The following ATP5PO variants were observed in gnomAD, a reference collection of about 807,000 sequenced individuals.
The protein encoded by ATP5PO is ATP synthase peripheral stalk subunit OSCP, mitochondrial.
Under a neutral mutation model 26.2 loss-of-function variants are expected in ATP5PO, and 14 were observed. That is an observed-to-expected ratio of 0.53 (90% CI 0.35 to 0.83). The LOEUF (loss-of-function observed/expected upper bound fraction) is 0.83, where lower values mean the gene tolerates loss of function less well. Among genes scored for constraint, ATP5PO ranks in the 40% least tolerant of loss-of-function variants. ATP5PO has a pLI of 0.01. For synonymous variants in ATP5PO, 106 were observed against 95.1 expected, an observed-to-expected ratio of 1.12 and a Z score of -0.67; for missense variants, 241 against 258.5, an observed-to-expected ratio of 0.93 and a Z score of 0.46.
At chr21:33,912,943 G>T (rs1370191403) in intron 2 of ATP5PO, among the ~76,000 whole-genome samples, 4 of 152,190 alleles carry the variant, frequency 2.6e-5, no homozygotes, top group Non-Finnish European at 4.4e-5. Flanking sequence ...CCTGATGCTT[G>T]AATTATTTTT....
intron 6 of ATP5PO, 124 bp downstream of exon 6, chr21:33,903,811 T>C: frequency 9.0e-7 from 1 of 1,109,994 alleles, no homozygotes; most frequent in Non-Finnish European, 1.3e-6. Flanking sequence ...TTAAAATAAA[T>C]ACAAAATTTT....
intron 1 of ATP5PO, 126 bp from the exon 2 acceptor site, chr21:33,914,626 A>T (rs1987290522): frequency 1.2e-6 from 1 of 835,460 alleles, no homozygotes; most frequent in Non-Finnish European, 1.9e-6. Flanking sequence ...GTATATTCAC[A>T]TATTACATGA....
intron 5 of ATP5PO, chr21:33,906,671 C>T: frequency 2.2e-6 from 1 of 456,280 alleles, no homozygotes; most frequent in Non-Finnish European, 4.4e-6. Context: ...CCACTCACCA[C>T]CACCAAAGAT....
At chr21:33,909,567 TACAA>T (rs1987222414) in intron 3 of ATP5PO, among the ~76,000 whole-genome samples, 1 of 152,154 alleles carries the variant, frequency 6.6e-6, no homozygotes, top group African/African-American at 2.4e-5. Flanking sequence ...TGCCCGGCCA[TACAA>T]ACACTTTCTT....
Position 33,909,356 on chromosome 21 carries a change from C to T in ATP5PO, c.199-145G>A, listed in dbSNP as rs180799244. On this transcript the variant is annotated intron_variant, in intron 3 of 6. Coordinates refer to ENST00000290299, the MANE Select transcript of ATP5PO (RefSeq NM_001697.3). ...AGTGCAGTGGCGCAATCTTGGCTCA[C>T]ACAACCTCCACATCCCGGGTTCAAG... The T allele has an allele frequency of 2.3e-4, 182 of 798,880 alleles. No homozygotes were observed. The African/African-American group carries it at 2.9e-3, about 13-fold the overall frequency. The allele number at this position is 798,880 out of a possible 1,614,324, so 49.5% of individuals were successfully genotyped here.
chr21:33,914,688 G>T, intron 1 of ATP5PO, 188 bp from the exon 2 acceptor site: 3 of 524,528 alleles, frequency 5.7e-6, no homozygotes, highest in Middle Eastern at 4.9e-4. Context: ...TGAGGATTAT[G>T]CCAAGTTGCT....
Position 33,911,662 on chromosome 21 carries a change from G to GTTTTTTTTTTTTT in ATP5PO, c.198+614_198+626dup, listed in dbSNP as rs58774588. 3.9e-4 allele frequency among the ~76,000 whole-genome samples: 36 copies of GTTTTTTTTTTTTT among 92,096 alleles called. 1 individual carries two copies. Among genetic ancestry groups the GTTTTTTTTTTTTT allele is most frequent in the East Asian group, 6.9e-4 (2 of 2,878 alleles). The allele number at this position is 92,096 out of a possible 152,430, so 60.4% of individuals were successfully genotyped here. ...CTAAACACCTAGCCCATAAGCATAG[G>GTTTTTTTTTTTTT]TTTTTTTTTTTTTTTTTTTTTTTTG... On this transcript the variant is annotated intron_variant, in intron 3 of 6. Coordinates refer to ENST00000290299, the MANE Select transcript of ATP5PO (RefSeq NM_001697.3).
intron 2 of ATP5PO, 143 bp from the exon 3 acceptor site, chr21:33,912,542 G>A (rs991142115): frequency 3.0e-5 from 15 of 501,350 alleles, no homozygotes; most frequent in Non-Finnish European, 5.1e-5. Flanking sequence ...TTCAAGAGCT[G>A]TCCTAAATGG....
chr21:33,911,769 C>G (rs1987252919), intron 3 of ATP5PO, among the ~76,000 whole-genome samples: 1 of 144,450 alleles, frequency 6.9e-6, no homozygotes, highest in Non-Finnish European at 1.5e-5. Flanking sequence ...CAGGTTCAAG[C>G]AATTCTGCCT....
chr21:33,906,518 T>TTA (rs1987174723), intron 5 of ATP5PO: 2 of 350,292 alleles, frequency 5.7e-6, no homozygotes, highest in Non-Finnish European at 1.1e-5. Context: ...ATGAGGTTAA[T>TTA]TATACTTCTA....
chr21:33,912,124 G>A (rs1987257259), intron 3 of ATP5PO, among the ~76,000 whole-genome samples, 165 bp downstream of exon 3: 2 of 151,764 alleles, frequency 1.3e-5, no homozygotes, highest in Non-Finnish European at 2.9e-5. Flanking sequence ...CTTTTTATAT[G>A]TCTTATAATA....
At chr21:33,903,753 C>A in intron 6 of ATP5PO, 114 bp from the exon 7 acceptor site, 1 of 1,232,526 alleles carries the variant, frequency 8.1e-7, no homozygotes, top group South Asian at 1.4e-5. Context: ...ATAATTACAC[C>A]TAGAAAAAGG....
chr21:33,912,588 AG>A (rs1472602300), intron 2 of ATP5PO, among the ~76,000 whole-genome samples, 189 bp from the exon 3 acceptor site: 1 of 152,250 alleles, frequency 6.6e-6, no homozygotes, highest in Admixed American at 6.5e-5. Context: ...TTCCTTGGTC[AG>A]GTCACTCAAT....
chr21:33,907,582 T>C, intron 4 of ATP5PO, 129 bp from the exon 5 acceptor site: 1 of 700,764 alleles, frequency 1.4e-6, no homozygotes, highest in Non-Finnish European at 2.4e-6. Flanking sequence ...GGCGCATGCC[T>C]ATAATCCCAA....
At chr21:33,909,248 G>C (rs779893410) in intron 3 of ATP5PO, 37 bp from the exon 4 acceptor site, 1 of 1,596,956 alleles carries the variant, frequency 6.3e-7, no homozygotes, top group South Asian at 1.1e-5. Flanking sequence ...AAATTTTTTA[G>C]AGCACAAATG....
intron 5 of ATP5PO, chr21:33,906,378 C>A: frequency 8.2e-6 from 2 of 245,386 alleles, no homozygotes; most frequent in Non-Finnish European, 8.1e-6. Flanking sequence ...TCTAGGGAGG[C>A]AATGTAGTGT....
At chr21:33,905,716 C>T (rs1321221382) in intron 5 of ATP5PO, among the ~76,000 whole-genome samples, 1 of 151,932 alleles carries the variant, frequency 6.6e-6, no homozygotes, top group Non-Finnish European at 1.5e-5. Flanking sequence ...AGTTCGAGAC[C>T]AGCCTGGCCA....
At chr21:33,906,733 T>C (rs573529927) in intron 5 of ATP5PO, 1 of 456,220 alleles carries the variant, frequency 2.2e-6, no homozygotes, top group East Asian at 6.9e-5. Flanking sequence ...TACACCTTTA[T>C]TCCCAGCACT....
intron 5 of ATP5PO, among the ~76,000 whole-genome samples, chr21:33,906,251 T>G (rs1362471068): frequency 6.6e-6 from 1 of 152,230 alleles, no homozygotes; most frequent in African/African-American, 2.4e-5. Context: ...GGTCAGGTGC[T>G]ACGAATTCCA....
Sources: gnomAD v4.1 joint callset for allele counts (sites outside exome capture counted in the v4.1 genomes callset) on GRCh38, gnomAD v4.1.1 for gene constraint, MANE v1.5 for transcripts, NCBI Gene and HGNC (gene_info 2026-07-23, HGNC 2026-07-21) for gene names.